The following KRT23 variants were observed in gnomAD, a reference collection of about 807,000 sequenced individuals.
The protein encoded by KRT23 is keratin 23.
Under a neutral mutation model 47.6 loss-of-function variants are expected in KRT23, and 38 were observed. The observed-to-expected ratio is 0.80, with a 90% CI of 0.62 to 1.05. The LOEUF (loss-of-function observed/expected upper bound fraction) is 1.05. Among genes scored for constraint, KRT23 ranks in the 50% least tolerant of loss-of-function variants. The probability of loss-of-function intolerance (pLI) is 0.00; values close to 1 mark genes in which losing one functional copy is unlikely to be tolerated. For missense variants in KRT23, 503 were observed against 529.5 expected (o/e 0.95, Z 0.49); for synonymous variants, 191 against 199.0 (o/e 0.96, Z 0.34).
rs779677867 is a variant in KRT23, at chr17:40,930,040, C to T, written c.536G>A (p.Arg179Gln). 83 of 1,613,974 alleles carry T rather than the reference C, an allele frequency of 5.1e-5. No individual in the cohort carries two copies. Among genetic ancestry groups the T allele is most frequent in the Non-Finnish European group, 6.3e-5 (74 of 1,179,962 alleles). Residue 179 changes from arginine to glutamine, a missense_variant, in exon 4 of 9, where the codon CGA becomes CAA. Coordinates refer to ENST00000209718, the MANE Select transcript of KRT23 (RefSeq NM_015515.5). ...KDLEIEVEGLRRTLDNLTIVT... is the reference protein window; with the variant it reads ...KDLEIEVEGLQRTLDNLTIVT... ...AATGGTCAGGTTGTCTAAGGTCCTT[C>T]GGAGGCCCTCGACTTCAATTTCCAA...
In KRT23 at chr17:40,936,312, T is replaced by G. The variant is rs761573793; in HGVS notation, c.292A>C (p.Met98Leu). The change falls in exon 2 of 9, where the codon ATG (methionine) becomes CTG (leucine). Residue 98 changes from methionine (M) to leucine (L), a missense_variant. Physicochemically the swap from Met to Leu is conservative, Grantham distance 15. Coordinates refer to ENST00000209718, the MANE Select transcript of KRT23 (RefSeq NM_015515.5). ...TTCAGGATGCGGCTTTCCAGCTTCA[T>G]GTTGGCCTCCTCCAGGGCGCGAACC... ...EKVRALEEAN[M>L]KLESRILKWH... is the part of the protein sequence containing the mutation. 22 of 1,614,110 alleles carry G rather than the reference T, an allele frequency of 1.4e-5. No individual in the cohort carries two copies. The South Asian group carries it at 2.2e-4, about 16-fold the overall frequency.
Position 40,936,225 on chromosome 17 carries a change from T to C in KRT23, c.379A>G (p.Thr127Ala), listed in dbSNP as rs771258406. The C allele has an allele frequency of 6.2e-7, 1 of 1,614,200 alleles. No homozygotes were observed. Among genetic ancestry groups the C allele is most frequent in the East Asian group, 2.2e-5 (1 of 44,876 alleles). Residue 127 changes from threonine (T) to alanine (A), a missense_variant, in exon 2 of 9, where the codon ACA becomes GCA. Coordinates refer to ENST00000209718, the MANE Select transcript of KRT23 (RefSeq NM_015515.5). ...CATCTTACCTGCTCCTGCAGGTGTG[T>C]GATGTTTTCCTCATACTGGGAATAA... ...KDYSQYEENI[T>A]HLQEQIVDGK...
intron 8 of KRT23, 91 bp downstream of exon 8, chr17:40,924,381 G>T: frequency 2.0e-6 from 2 of 984,090 alleles, no homozygotes; most frequent in Admixed American, 1.9e-5. Flanking sequence ...AGGACATTTG[G>T]GAGTACATTA....
chr17:40,922,936 G>C lies in KRT23; in HGVS notation c.*53C>G. The C allele has an allele frequency of 7.7e-7, 1 of 1,295,528 alleles. No homozygotes were observed. The highest frequency in any genetic ancestry group is 1.2e-5 in the South Asian group (1 of 84,122). 80.3% of individuals were successfully genotyped at this position (1,295,528 alleles called of 1,614,324 possible). On this transcript the variant is annotated 3_prime_UTR_variant, in exon 9 of 9. Transcript: ENST00000209718. ...ACTCACTCACTGGTGTCTGTGCAAG[G>C]ACTTTCCTTGGGGGAAAATAGATTT...
Position 40,936,346 on chromosome 17 carries a change from G to A in KRT23, c.258C>T (p.Tyr86=), listed in dbSNP as rs1910066916. The A allele has an allele frequency of 6.2e-7, 1 of 1,614,222 alleles. No individual in the cohort carries two copies. The highest frequency in any genetic ancestry group is 8.5e-7 in the Non-Finnish European group (1 of 1,180,032). Residue 86 remains tyrosine (Y), a synonymous_variant, in exon 2 of 9, where the codon TAC becomes TAT. Transcript: ENST00000209718. ...CCTCCAGGGCGCGAACCTTCTCCAG[G>A]TAGGAGGCCAGGCGGTCGTTGAGAT... ...MQNLNDRLAS[Y]LEKVRALEEA...
chr17:40,928,642 T>A (rs1909404490), intron 4 of KRT23, 35 bp from the exon 5 acceptor site: 4 of 1,592,712 alleles, frequency 2.5e-6, no homozygotes, highest in Non-Finnish European at 1.7e-6. Flanking sequence ...TGAACCGGCT[T>A]TGACAATCAG....
intron 2 of KRT23, among the ~76,000 whole-genome samples, chr17:40,934,264 C>G (rs541177203): frequency 6.6e-6 from 1 of 152,262 alleles, no homozygotes; most frequent in African/African-American, 2.4e-5. Context: ...AGATAGACAA[C>G]CTCAACTTTA....
At chr17:40,933,807 T>C (rs1201224367) in intron 2 of KRT23, among the ~76,000 whole-genome samples, 1 of 152,226 alleles carries the variant, frequency 6.6e-6, no homozygotes, top group Non-Finnish European at 1.5e-5. Flanking sequence ...TGAGAAACGA[T>C]ATATGAGGCA....
At position 40,931,414 on chromosome 17, in the gene KRT23, GAGA is replaced by G; in HGVS notation, c.435_437del (p.Leu146del). 2 of 1,613,752 alleles carry G rather than the reference GAGA, an allele frequency of 1.2e-6. No individual in the cohort carries two copies. Among genetic ancestry groups the G allele is most frequent in the Middle Eastern group, 1.6e-4 (1 of 6,062 alleles). On this transcript the variant is annotated inframe_deletion, in exon 3 of 9. Coordinates refer to ENST00000209718, the MANE Select transcript of KRT23 (RefSeq NM_015515.5). ...CCACTGCCATCCTGGCATTGTCAAT[GAGA>G]AGAATAATCTGAGCATTGGTCATCT...
intron 3 of KRT23, among the ~76,000 whole-genome samples, chr17:40,930,579 C>CA (rs935329732): frequency 1.3e-5 from 2 of 152,010 alleles, no homozygotes; most frequent in Non-Finnish European, 2.9e-5. Context: ...TCCTGGCCAA[C>CA]ATGGTGAAAC....
chr17:40,923,196 G>T, intron 8 of KRT23, 113 bp from the exon 9 acceptor site: 1 of 753,658 alleles, frequency 1.3e-6, no homozygotes, highest in South Asian at 1.6e-5. Context: ...CCTTCCAAAT[G>T]ATCACTAAGC....
At chr17:40,933,637 G>A (rs1909848572) in intron 2 of KRT23, among the ~76,000 whole-genome samples, 1 of 152,210 alleles carries the variant, frequency 6.6e-6, no homozygotes, top group South Asian at 2.1e-4. Flanking sequence ...GATTCCCCCA[G>A]CTATCATTCT....
chr17:40,930,377 C>T (rs1225934114), intron 3 of KRT23, among the ~76,000 whole-genome samples: 5 of 152,182 alleles, frequency 3.3e-5, no homozygotes, highest in African/African-American at 4.8e-5. Flanking sequence ...TTTGCTTCAT[C>T]TATTTCATTG....
chr17:40,934,004 A>G (rs1909876000), intron 2 of KRT23, among the ~76,000 whole-genome samples: 1 of 152,244 alleles, frequency 6.6e-6, no homozygotes, highest in African/African-American at 2.4e-5. Flanking sequence ...ATTGAGAATC[A>G]TTCAAGGTGT....
At chr17:40,931,162 C>T (rs1465606680) in intron 3 of KRT23, among the ~76,000 whole-genome samples, 1 of 151,990 alleles carries the variant, frequency 6.6e-6, no homozygotes. Context: ...CAGGCGTGTG[C>T]CACCATGCCC....
intron 8 of KRT23, 89 bp from the exon 9 acceptor site, chr17:40,923,172 G>GAAGGC (rs1246411106): frequency 2.0e-6 from 2 of 1,002,426 alleles, no homozygotes; most frequent in African/African-American, 3.2e-5. Context: ...GTCAGCCCCT[G>GAAGGC]AAGGCTCTCA....
chr17:40,930,762 C>CA lies in KRT23; in HGVS notation c.479+610dup, dbSNP rs1307812144. On this transcript the variant is annotated intron_variant, in intron 3 of 8. Coordinates refer to ENST00000209718, the MANE Select transcript of KRT23 (RefSeq NM_015515.5). ...CTGGCAACAGAGCAAGACTCCGTCT[C>CA]AAAAATAAACAAATAAATAAATAAA... Among the ~76,000 whole-genome samples the CA allele has an allele frequency of 2.7e-5, 3 of 112,138 alleles. No homozygotes were observed. The Admixed American group carries it at 3.5e-4, about 13-fold the overall frequency. The allele number at this position is 112,138 out of a possible 152,430, so 73.6% of individuals were successfully genotyped here.
Position 40,925,562 on chromosome 17 carries a change from C to G in KRT23, c.934G>C (p.Glu312Gln), listed in dbSNP as rs147325821. The G allele has an allele frequency of 1.8e-5, 29 of 1,612,492 alleles. No individual in the cohort carries two copies. The African/African-American group carries it at 2.3e-4, about 13-fold the overall frequency. ...GACTGGGTCTCGGATAACATGTTTT[C>G]CAAAGCAGATTTCTGAAAGAGGAAA... ...QTQYSTKSAL[E>Q]NMLSETQSRY... Residue 312 changes from glutamate (E) to glutamine (Q), a missense_variant, in exon 7 of 9, where the codon GAA becomes CAA. Coordinates refer to ENST00000209718, the MANE Select transcript of KRT23 (RefSeq NM_015515.5).
intron 2 of KRT23, 103 bp downstream of exon 2, chr17:40,936,105 G>A (rs1481107762): frequency 9.7e-5 from 122 of 1,257,570 alleles, no homozygotes; most frequent in Non-Finnish European, 1.3e-4. Context: ...TTCAAGCGCT[G>A]ATGCCATTTT....
Sources: gnomAD v4.1 joint callset for allele counts (sites outside exome capture counted in the v4.1 genomes callset) on GRCh38, gnomAD v4.1.1 for gene constraint, MANE v1.5 for transcripts, NCBI Gene and HGNC (gene_info 2026-07-23, HGNC 2026-07-21) for gene names.